The following ABCC1 variants were observed in gnomAD, a reference collection of about 807,000 sequenced individuals.
ABCC1 encodes the protein multidrug resistance-associated protein 1.
Under a neutral mutation model 172.9 loss-of-function variants are expected in ABCC1, and 83 were observed. The ratio of observed to expected loss-of-function variants is 0.48; its 90% CI spans 0.40 to 0.58. The LOEUF is 0.58. Ranked by LOEUF, ABCC1 falls within the 20% of genes least tolerant of loss-of-function variation. The pLI is 0.00. For missense variants in ABCC1, 1,817 were observed against 2,002.7 expected, an observed-to-expected ratio of 0.91 and a Z score of 1.77; for synonymous variants, 937 against 825.2, an observed-to-expected ratio of 1.14 and a Z score of -2.32.
At chr16:16,104,009 C>A (rs560991525) in intron 20 of ABCC1, among the ~76,000 whole-genome samples, 4 of 151,974 alleles carry the variant, frequency 2.6e-5, no homozygotes, top group African/African-American at 4.8e-5. Context: ...TGCAGACCTT[C>A]GCGGTAAGTG....
chr16:16,008,507 T>C (rs2047642223), intron 2 of ABCC1, among the ~76,000 whole-genome samples: 3 of 151,274 alleles, frequency 2.0e-5, no homozygotes, highest in African/African-American at 7.3e-5. Flanking sequence ...GCCTGGCCCC[T>C]AATTTTTTTT....
At chr16:16,085,518 G>A (rs563109362) in intron 17 of ABCC1, among the ~76,000 whole-genome samples, 16 of 152,302 alleles carry the variant, frequency 1.1e-4, no homozygotes, top group African/African-American at 3.8e-4. Flanking sequence ...GGTAGCTCAC[G>A]CCTATAATCC....
At chr16:16,087,584 A>G (rs1011237016) in intron 18 of ABCC1, among the ~76,000 whole-genome samples, 9 of 152,132 alleles carry the variant, frequency 5.9e-5, no homozygotes, top group African/African-American at 2.2e-4. Context: ...TGGCCTCCCA[A>G]GTAGCTGGGA....
At chr16:15,995,768 A>G (rs2047034376) in intron 1 of ABCC1, among the ~76,000 whole-genome samples, 1 of 152,058 alleles carries the variant, frequency 6.6e-6, no homozygotes, top group Non-Finnish European at 1.5e-5. Context: ...CCTGGGCTCA[A>G]GGGATCCTCC....
chr16:16,097,196 T>C (rs2051518874), intron 19 of ABCC1, among the ~76,000 whole-genome samples: 1 of 152,160 alleles, frequency 6.6e-6, no homozygotes, highest in Non-Finnish European at 1.5e-5. Flanking sequence ...CACTGCAACC[T>C]CCACCTCCTG....
intron 1 of ABCC1, among the ~76,000 whole-genome samples, chr16:15,987,639 C>T (rs2046771743): frequency 6.6e-6 from 1 of 152,226 alleles, no homozygotes; most frequent in Non-Finnish European, 1.5e-5. Context: ...GACAAACTTG[C>T]CCCCACTTGA....
chr16:16,065,764 GAC>G (rs2050088728), intron 12 of ABCC1, among the ~76,000 whole-genome samples: 1 of 152,114 alleles, frequency 6.6e-6, no homozygotes, highest in East Asian at 1.9e-4. Flanking sequence ...ATTTTGTAGA[GAC>G]ACAGCCTTGC....
intron 29 of ABCC1, among the ~76,000 whole-genome samples, chr16:16,137,199 C>T (rs1261297354): frequency 2.6e-5 from 4 of 152,130 alleles, no homozygotes; most frequent in Non-Finnish European, 2.9e-5. Context: ...TGCTGCCATA[C>T]GAGGGCAGTC....
At chr16:16,043,243 T>TTTTTTTCC (rs1021835519) in intron 7 of ABCC1, among the ~76,000 whole-genome samples, 4 of 140,872 alleles carry the variant, frequency 2.8e-5, no homozygotes, top group African/African-American at 5.4e-5. Context: ...TTTTTTTTTT[T>TTTTTTTCC]CCACTGATGT....
At chr16:16,090,783 G>A (rs776669323) in intron 19 of ABCC1, among the ~76,000 whole-genome samples, 195 bp downstream of exon 19, 15 of 152,316 alleles carry the variant, frequency 9.8e-5, no homozygotes, top group Non-Finnish European at 2.1e-4. Flanking sequence ...CTGGGAGAGA[G>A]TCTCGGTGCT....
intron 21 of ABCC1, among the ~76,000 whole-genome samples, chr16:16,110,164 A>G (rs1417087050): frequency 1.3e-5 from 2 of 150,006 alleles, no homozygotes; most frequent in Non-Finnish European, 3.0e-5. Flanking sequence ...GGTGTGCAGT[A>G]AGTTTGGCTT....
chr16:16,130,523 T>C (rs529702120), intron 26 of ABCC1, among the ~76,000 whole-genome samples: 1 of 151,372 alleles, frequency 6.6e-6, no homozygotes, highest in East Asian at 1.9e-4. Flanking sequence ...AATCACTTTT[T>C]AAACTCTCTG....
At chr16:16,137,340 T>C (rs912976274) in intron 29 of ABCC1, among the ~76,000 whole-genome samples, 3 of 152,018 alleles carry the variant, frequency 2.0e-5, no homozygotes, top group Non-Finnish European at 4.4e-5. Flanking sequence ...CGTGCATCCC[T>C]CATTCTCCAG....
chr16:16,137,202 G>C (rs79004911), intron 29 of ABCC1, among the ~76,000 whole-genome samples: 1 of 152,226 alleles, frequency 6.6e-6, no homozygotes, highest in East Asian at 1.9e-4. Flanking sequence ...TGCCATACGA[G>C]GGCAGTCAGC....
chr16:16,076,683 C>T (rs373999753), intron 15 of ABCC1, among the ~76,000 whole-genome samples: 14 of 152,200 alleles, frequency 9.2e-5, no homozygotes, highest in Admixed American at 3.9e-4. Flanking sequence ...TCTTGGCTTG[C>T]GTAACTGGGA....
At chr16:16,058,754 G>T (rs192588977) in intron 12 of ABCC1, among the ~76,000 whole-genome samples, 2 of 152,272 alleles carry the variant, frequency 1.3e-5, no homozygotes, top group South Asian at 2.1e-4. Context: ...GGGTTCAAGC[G>T]ATTCTTCCAC....
chr16:16,054,067 C>G (rs2049545656), intron 11 of ABCC1, among the ~76,000 whole-genome samples: 1 of 151,740 alleles, frequency 6.6e-6, no homozygotes, highest in East Asian at 1.9e-4. Context: ...CTCTGCCTCC[C>G]GGGTTCAAGT....
At chr16:16,037,247 T>C (rs532259577) in intron 7 of ABCC1, among the ~76,000 whole-genome samples, 4 of 152,364 alleles carry the variant, frequency 2.6e-5, no homozygotes, top group African/African-American at 9.6e-5. Context: ...GCTGTTTGAA[T>C]GTTCTGTCCA....
At chr16:15,949,613 G>GCCGCCGCCGCCGCCGCCC (rs1567268810), upstream of ABCC1, 2 of 465,396 alleles carry the variant, frequency 4.3e-6, no homozygotes, top group East Asian at 1.5e-4. Context: ...GGCTCCCTGC[G>GCCGCCGCCGCCGCCGCCC]CCGCCGCCGC....
Sources: allele counts gnomAD v4.1 joint callset (sites outside exome capture counted in the v4.1 genomes callset), GRCh38; gene constraint gnomAD v4.1.1; transcripts MANE v1.5; gene names NCBI Gene and HGNC (gene_info 2026-07-23, HGNC 2026-07-21).